Variants in GRM3 observed in about 807,000 individuals in gnomAD.
GRM3 encodes metabotropic glutamate receptor 3.
Under a neutral mutation model 70.5 loss-of-function variants are expected in GRM3, and 26 were observed. The observed-to-expected ratio is 0.37, with a 90% CI of 0.27 to 0.51. The LOEUF is 0.51. GRM3 is among the 20% of genes least tolerant of loss of function. The pLI is 0.93. For missense variants in GRM3, 859 were observed against 1,123.8 expected (o/e 0.76, Z 3.37); for synonymous variants, 443 against 434.9 (o/e 1.02, Z -0.23).
intron 5 of GRM3, among the ~76,000 whole-genome samples, chr7:86,858,242 C>T (rs1798888649): frequency 6.6e-6 from 1 of 152,134 alleles, no homozygotes; most frequent in Non-Finnish European, 1.5e-5. Context: ...AGGCATGAAC[C>T]ACCATGCCTG....
At chr7:86,698,636 A>C (rs1447514856) in intron 1 of GRM3, among the ~76,000 whole-genome samples, 1 of 150,926 alleles carries the variant, frequency 6.6e-6, no homozygotes, top group Non-Finnish European at 1.5e-5. Context: ...CCAATGCACA[A>C]ATGCACAACT....
rs115901136 is a variant in GRM3 at position 86,790,585 on chromosome 7, G to T, written c.1324+3469G>T. 9.9e-4 allele frequency among the ~76,000 whole-genome samples: 150 copies of T among 152,178 alleles called. 1 individual carries two copies. The highest frequency in any genetic ancestry group is 3.5e-3 in the African/African-American group (144 of 41,530). Reference sequence around the variant, plus strand: ...GTTTCACTCATAGTGAAAGTCAACAGCCTTACAATGTCCTGCACACCACCC... The same window carrying T: ...GTTTCACTCATAGTGAAAGTCAACATCCTTACAATGTCCTGCACACCACCC... On this transcript the variant is annotated intron_variant, in intron 3 of 5. Transcript: ENST00000361669.
intron 3 of GRM3, among the ~76,000 whole-genome samples, chr7:86,812,768 A>G (rs1006106921): frequency 6.6e-6 from 1 of 151,900 alleles, no homozygotes; most frequent in Non-Finnish European, 1.5e-5. Context: ...TTACCACTTT[A>G]TGTTTTTAGT....
In GRM3 at chr7:86,799,375, C is replaced by G. The variant is rs144037199; in HGVS notation, c.1324+12259C>G. Among the ~76,000 whole-genome samples the G allele has an allele frequency of 1.7e-4, 26 of 152,280 alleles. 1 individual carries two copies. Among genetic ancestry groups the G allele is most frequent in the African/African-American group, 5.5e-4 (23 of 41,546 alleles). On this transcript the variant is annotated intron_variant, in intron 3 of 5. Transcript: ENST00000361669. ...TGACTAATTGCCCCGGACACAACTT[C>G]CAATAATATGTTTGATAGGAGTAGA... is the stretch of plus-strand genomic sequence containing the variant.
At position 86,786,984 on chromosome 7, in the gene GRM3, T is replaced by C. The variant is rs745798003; in HGVS notation, c.1192T>C (p.Tyr398His). Residue 398 changes from tyrosine (Y) to histidine (H), a missense_variant, in exon 3 of 6, where the codon TAT becomes CAT. Physicochemically the swap from Tyr to His is moderately conservative, Grantham distance 83. Coordinates refer to ENST00000361669, the MANE Select transcript of GRM3 (RefSeq NM_000840.3). The surrounding 1 kb of genome is among the most constrained non-coding windows in gnomAD (Gnocchi z 6.0). ...SKIMFVVNAVYAMAHALHKMQ... is the reference protein window; with the variant it reads ...SKIMFVVNAVHAMAHALHKMQ... Reference sequence around the variant, plus strand: ...GATCATGTTTGTGGTGAACGCGGTGTATGCCATGGCCCACGCTTTGCACAA... The same window carrying C: ...GATCATGTTTGTGGTGAACGCGGTGCATGCCATGGCCCACGCTTTGCACAA... 1 of 1,614,132 alleles carries C rather than the reference T, an allele frequency of 6.2e-7. No homozygotes were observed. The highest frequency in any genetic ancestry group is 8.5e-7 in the Non-Finnish European group (1 of 1,180,014).
chr7:86,864,193 A>C (rs1271417482), intron 5 of GRM3, 89 bp from the exon 6 acceptor site: 1 of 744,532 alleles, frequency 1.3e-6, no homozygotes, highest in East Asian at 2.5e-5. Flanking sequence ...CTTCCCCCCG[A>C]GTCCCCAAAG....
At chr7:86,765,707 C>A in intron 2 of GRM3, 94 bp downstream of exon 2, 2 of 943,096 alleles carry the variant, frequency 2.1e-6, no homozygotes, top group East Asian at 2.6e-5. Flanking sequence ...ACGTCATCAA[C>A]GGATTATATC....
intron 1 of GRM3, among the ~76,000 whole-genome samples, chr7:86,684,547 C>T (rs779309866): frequency 1.3e-5 from 2 of 152,158 alleles, no homozygotes; most frequent in Non-Finnish European, 2.9e-5. Context: ...AACTAGTAAT[C>T]TTCCATATCC....
At chr7:86,767,514 CATATATATATAT>C (rs3057233) in intron 2 of GRM3, among the ~76,000 whole-genome samples, 4,245 of 100,022 alleles carry the variant, frequency 0.042, 120 homozygotes, top group African/African-American at 0.058. Context: ...GGTCATACTT[CATATATATATAT>C]ATATATATAT....
intron 1 of GRM3, among the ~76,000 whole-genome samples, chr7:86,688,032 T>C (rs1794605732): frequency 6.6e-6 from 1 of 151,580 alleles, no homozygotes; most frequent in African/African-American, 2.4e-5. Context: ...GCTGAATCAG[T>C]GATATTTAAA....
chr7:86,667,215 G>A (rs1215650864), intron 1 of GRM3, among the ~76,000 whole-genome samples: 2 of 152,094 alleles, frequency 1.3e-5, no homozygotes, highest in Non-Finnish European at 2.9e-5. Flanking sequence ...GACCTAAATA[G>A]TAGAGTTGCC....
chr7:86,823,781 C>A (rs1798176016), intron 3 of GRM3, among the ~76,000 whole-genome samples: 1 of 151,996 alleles, frequency 6.6e-6, no homozygotes, highest in African/African-American at 2.4e-5. Context: ...ACCACCCTCC[C>A]TTAAAAAGAC....
chr7:86,812,912 TA>T (rs1797939840), intron 3 of GRM3, among the ~76,000 whole-genome samples: 1 of 151,724 alleles, frequency 6.6e-6, no homozygotes, highest in East Asian at 1.9e-4. Context: ...AATGAACAAC[TA>T]AACTTCTCAG....
At chr7:86,741,270 G>A (rs186935096) in intron 1 of GRM3, among the ~76,000 whole-genome samples, 8 of 152,254 alleles carry the variant, frequency 5.3e-5, no homozygotes, top group Non-Finnish European at 8.8e-5. Flanking sequence ...TACATACACG[G>A]TATTCCAGTG....
intron 1 of GRM3, among the ~76,000 whole-genome samples, chr7:86,645,669 G>A (rs1793443445): frequency 6.6e-6 from 1 of 151,850 alleles, no homozygotes; most frequent in South Asian, 2.1e-4. Flanking sequence ...AACACTTTTA[G>A]GTAAATATAT....
chr7:86,816,896 T>A (rs1798027460), intron 3 of GRM3, among the ~76,000 whole-genome samples: 1 of 151,600 alleles, frequency 6.6e-6, no homozygotes, highest in African/African-American at 2.4e-5. Context: ...TAGCAGTGTA[T>A]TTAAACTGAC....
intron 1 of GRM3, among the ~76,000 whole-genome samples, chr7:86,757,466 C>G (rs999275346): frequency 1.3e-5 from 2 of 152,140 alleles, no homozygotes; most frequent in Non-Finnish European, 2.9e-5. Context: ...GCCAGTCTTT[C>G]TAAGGTTTTA....
chr7:86,838,722 T>C, intron 3 of GRM3, 117 bp from the exon 4 acceptor site: 1 of 631,718 alleles, frequency 1.6e-6, no homozygotes, highest in Non-Finnish European at 2.7e-6. Context: ...ATAAATTATT[T>C]CAGCCTTGGA....
chr7:86,699,042 A>G (rs901481593), intron 1 of GRM3, among the ~76,000 whole-genome samples: 1 of 152,112 alleles, frequency 6.6e-6, no homozygotes, highest in Non-Finnish European at 1.5e-5. Context: ...AATCACATGT[A>G]CAAAACCAGA....
Sources: allele counts gnomAD v4.1 joint callset (sites outside exome capture counted in the v4.1 genomes callset), GRCh38; gene constraint gnomAD v4.1.1; non-coding constraint Gnocchi (gnomAD v3.1); transcripts MANE v1.5; gene names NCBI Gene and HGNC (gene_info 2026-07-23, HGNC 2026-07-21).